LRRC4C: variants seen among roughly 807,000 people sequenced by gnomAD.
The protein encoded by LRRC4C is leucine rich repeat containing 4C, also known as leucine-rich repeat-containing protein 4C.
A neutral mutation model predicts 33.6 loss-of-function variants in LRRC4C; 5 were observed. The observed-to-expected ratio is 0.15, with a 90% confidence interval of 0.08 to 0.31. The LOEUF (loss-of-function observed/expected upper bound fraction) is 0.31, where lower values mean the gene tolerates loss of function less well. Among genes scored for constraint, LRRC4C ranks in the 10% least tolerant of loss-of-function variants. LRRC4C has a pLI of 1.00. For synonymous variants in LRRC4C, 329 were observed against 302.0 expected (o/e 1.09, Z -0.93); for missense variants, 560 against 796.7 (o/e 0.70, Z 3.58).
intron 1 of LRRC4C, among the ~76,000 whole-genome samples, chr11:41,359,342 G>A (rs937119411): frequency 9.2e-5 from 14 of 152,084 alleles, no homozygotes; most frequent in Non-Finnish European, 1.6e-4. Context: ...TAAACTATGC[G>A]CTTTAGGTGA....
intron 1 of LRRC4C, among the ~76,000 whole-genome samples, chr11:41,343,544 C>T (rs1951705446): frequency 6.6e-6 from 1 of 152,124 alleles, no homozygotes; most frequent in Non-Finnish European, 1.5e-5. Flanking sequence ...ACCTTGGCTT[C>T]TTATAGATAG....
Position 40,272,835 on chromosome 11 carries a change from C to CT in LRRC4C, c.-175-31238dup, listed in dbSNP as rs879417910. On this transcript the variant is annotated intron_variant, in intron 4 of 6. Transcript: ENST00000528697. ...ACAGAGTGTAAACCTATGATTCATT[C>CT]TTTTTTTTTTTGTCCCTGCAAAATG... 2.4e-3 allele frequency among the ~76,000 whole-genome samples: 339 copies of CT among 143,244 alleles called. 2 individuals carry two copies. The highest frequency in any genetic ancestry group is 6.7e-3 in the South Asian group (30 of 4,490). The allele number at this position is 143,244 out of a possible 152,430, so 94.0% of individuals were successfully genotyped here. A position where few individuals can be genotyped will look rare whatever the true frequency, so the allele number is the denominator to read the frequency against.
chr11:40,926,077 T>C (rs930412093), intron 2 of LRRC4C, among the ~76,000 whole-genome samples: 18 of 151,566 alleles, frequency 1.2e-4, no homozygotes, highest in Non-Finnish European at 2.2e-4. Context: ...TTTTTTGTTG[T>C]TGTTGTTTAA....
At chr11:40,951,045 A>G (rs1958670224) in intron 1 of LRRC4C, among the ~76,000 whole-genome samples, 1 of 151,958 alleles carries the variant, frequency 6.6e-6, no homozygotes, top group East Asian at 1.9e-4. Context: ...TATCCTTCCC[A>G]TAAGGTGAAA....
intron 3 of LRRC4C, among the ~76,000 whole-genome samples, chr11:40,518,548 T>C (rs1257431975): frequency 2.0e-5 from 3 of 152,122 alleles, no homozygotes; most frequent in African/African-American, 7.2e-5. Flanking sequence ...AAAACCACAA[T>C]GAGATACCAT....
At chr11:40,392,518 TAA>T (rs1949377925) in intron 3 of LRRC4C, among the ~76,000 whole-genome samples, 1 of 152,142 alleles carries the variant, frequency 6.6e-6, no homozygotes, top group East Asian at 1.9e-4. Context: ...TTAAAATAAA[TAA>T]GTTATTTAAT....
At chr11:40,530,753 A>C (rs777887403) in intron 3 of LRRC4C, among the ~76,000 whole-genome samples, 34 of 152,258 alleles carry the variant, frequency 2.2e-4, no homozygotes, top group Non-Finnish European at 1.2e-4. Flanking sequence ...CTATCATACA[A>C]AGTAAGAACT....
intron 3 of LRRC4C, among the ~76,000 whole-genome samples, chr11:40,453,262 A>C (rs1006289034): frequency 6.6e-6 from 1 of 152,162 alleles, no homozygotes; most frequent in Admixed American, 6.6e-5. Flanking sequence ...TCTGAGTTTC[A>C]TTTTCTTTAA....
chr11:41,123,342 G>A (rs1474152815), intron 1 of LRRC4C, among the ~76,000 whole-genome samples: 1 of 131,894 alleles, frequency 7.6e-6, no homozygotes, highest in South Asian at 2.5e-4. Flanking sequence ...GCGGGATCTC[G>A]GCTCACTGCA....
chr11:40,492,609 G>GT (rs1271135996), intron 3 of LRRC4C, among the ~76,000 whole-genome samples: 4 of 152,030 alleles, frequency 2.6e-5, no homozygotes, highest in Non-Finnish European at 5.9e-5. Flanking sequence ...CAATTCAACT[G>GT]TTTCTTCCCA....
intron 1 of LRRC4C, among the ~76,000 whole-genome samples, chr11:41,368,205 T>A (rs1250570976): frequency 6.6e-6 from 1 of 152,186 alleles, no homozygotes; most frequent in Non-Finnish European, 1.5e-5. Context: ...AGAATCAGCT[T>A]GACAATCCTA....
intron 1 of LRRC4C, among the ~76,000 whole-genome samples, chr11:41,113,785 A>AG (rs1388232965): frequency 3.3e-5 from 5 of 151,974 alleles, no homozygotes; most frequent in Non-Finnish European, 1.5e-5. Context: ...TTGTTTCATG[A>AG]GTTTTTTTTT....
chr11:40,716,440 A>T (rs1946721127), intron 2 of LRRC4C, among the ~76,000 whole-genome samples: 1 of 152,176 alleles, frequency 6.6e-6, no homozygotes, highest in African/African-American at 2.4e-5. Flanking sequence ...TGCAGCTTCC[A>T]TAAAAACAAC....
intron 3 of LRRC4C, among the ~76,000 whole-genome samples, chr11:40,480,328 C>G (rs978948002): frequency 6.6e-6 from 1 of 151,060 alleles, no homozygotes; most frequent in African/African-American, 2.4e-5. Context: ...GTTTTCTCCT[C>G]TCCCATCTAT....
At chr11:40,208,730 A>G (rs927373912) in intron 5 of LRRC4C, among the ~76,000 whole-genome samples, 1 of 152,230 alleles carries the variant, frequency 6.6e-6, no homozygotes, top group Admixed American at 6.5e-5. Context: ...ATATGCATGT[A>G]TTAGCCTCTT....
intron 1 of LRRC4C, among the ~76,000 whole-genome samples, chr11:41,346,880 A>G (rs1307981448): frequency 6.6e-6 from 1 of 152,256 alleles, no homozygotes; most frequent in Non-Finnish European, 1.5e-5. Context: ...CTAAAAGTTC[A>G]CAGTAAATTA....
intron 3 of LRRC4C, among the ~76,000 whole-genome samples, chr11:40,515,135 T>C (rs1006542221): frequency 6.6e-6 from 1 of 152,182 alleles, no homozygotes; most frequent in African/African-American, 2.4e-5. Flanking sequence ...TACTTTGGTT[T>C]AGAGTCTAAG....
intron 2 of LRRC4C, among the ~76,000 whole-genome samples, chr11:40,776,610 AT>A (rs923557594): frequency 2.6e-5 from 4 of 151,208 alleles, no homozygotes; most frequent in South Asian, 2.1e-4. Context: ...GCTTATTTGG[AT>A]TTTTTTCTCT....
intron 3 of LRRC4C, among the ~76,000 whole-genome samples, chr11:40,596,452 G>C (rs1959308871): frequency 6.9e-6 from 1 of 145,508 alleles, no homozygotes; most frequent in African/African-American, 2.6e-5. Context: ...TTTTTTTCAG[G>C]AAATTTCTAA....
Sources: gnomAD v4.1 joint callset for allele counts (sites outside exome capture counted in the v4.1 genomes callset) on GRCh38, gnomAD v4.1.1 for gene constraint, MANE v1.5 for transcripts, NCBI Gene and HGNC (gene_info 2026-07-23, HGNC 2026-07-21) for gene names.